The following MICU1 variants were observed in gnomAD, a reference collection of about 807,000 sequenced individuals.
MICU1 encodes mitochondrial calcium uptake 1.
A neutral mutation model predicts 56.8 loss-of-function variants in MICU1; 45 were observed. The observed-to-expected ratio is 0.79, with a 90% CI of 0.62 to 1.02. MICU1 has a LOEUF of 1.02. Ranked by LOEUF, MICU1 falls within the 50% of genes least tolerant of loss-of-function variation. MICU1 has a pLI of 0.00. For synonymous variants in MICU1, 186 were observed against 195.1 expected, an observed-to-expected ratio of 0.95 and a Z score of 0.39; for missense variants, 504 against 587.1, an observed-to-expected ratio of 0.86 and a Z score of 1.46.
At chr10:72,546,429 C>A (rs1224054480) in intron 4 of MICU1, among the ~76,000 whole-genome samples, 1 of 152,154 alleles carries the variant, frequency 6.6e-6, no homozygotes, top group Non-Finnish European at 1.5e-5. Flanking sequence ...AGGGACACTC[C>A]AAGCTGTAAC....
intron 4 of MICU1, among the ~76,000 whole-genome samples, chr10:72,543,310 C>T (rs111857293): frequency 0.058 from 8,896 of 152,154 alleles, 864 homozygotes; most frequent in African/African-American, 0.2. Flanking sequence ...AAAATACATT[C>T]CATGTATATA....
Position 72,566,703 on chromosome 10 carries a change from G to C in MICU1, c.91C>G (p.Arg31Gly). The C allele has an allele frequency of 6.2e-7, 1 of 1,612,534 alleles. No individual in the cohort carries two copies. The highest frequency in any genetic ancestry group is 8.5e-7 in the Non-Finnish European group (1 of 1,179,312). Residue 31 changes from arginine (R) to glycine (G), a missense_variant, in exon 2 of 12, where the codon CGA becomes GGA. Transcript: ENST00000361114. The stretch of plus-strand genomic sequence containing the variant: ...AGGAAAGCCACCATCATTAGTCTTC[G>C]CCGGATCTGGATGGGCTGTGATCCT... ...HGGSQPIQIR[R>G]RLMMVAFLGA...
intron 1 of MICU1, among the ~76,000 whole-genome samples, chr10:72,609,984 G>C (rs577104004): frequency 4.6e-5 from 7 of 151,596 alleles, no homozygotes; most frequent in Non-Finnish European, 8.8e-5. Flanking sequence ...GCAGTGAGCC[G>C]AGATGGCACC....
At chr10:72,556,844 C>T (rs1840170597) in intron 3 of MICU1, among the ~76,000 whole-genome samples, 1 of 151,842 alleles carries the variant, frequency 6.6e-6, no homozygotes, top group Non-Finnish European at 1.5e-5. Context: ...GTAGGTGGAT[C>T]ACCTGAGGTC....
rs1038940923 is a variant in MICU1 at position 72,404,094 on chromosome 10, A to G, written c.1180+3835T>C. Among the ~76,000 whole-genome samples the G allele has an allele frequency of 5.9e-5, 9 of 151,920 alleles. 1 individual carries two copies. The South Asian group carries it at 1.9e-3, about 32-fold the overall frequency. On this transcript the variant is annotated intron_variant, in intron 10 of 11. Coordinates refer to ENST00000361114, the MANE Select transcript of MICU1 (RefSeq NM_001195518.2). ...AACCTCTGCCTCCTGGGTTCTAGCA[A>G]TTCTCCTGCCTCAGCCTCCCCAGTA... is the stretch of plus-strand genomic sequence containing the variant.
chr10:72,569,238 T>TATATATATATATA (rs1554890955), intron 1 of MICU1, among the ~76,000 whole-genome samples: 1 of 29,776 alleles, frequency 3.4e-5, no homozygotes, highest in African/African-American at 1.0e-4. Flanking sequence ...TATATATATA[T>TATATATATATATA]TTTTTTTTTT....
intron 5 of MICU1, chr10:72,508,733 T>C (rs1408748370): frequency 6.5e-6 from 1 of 152,734 alleles, no homozygotes; most frequent in Non-Finnish European, 1.5e-5. Flanking sequence ...CCTATACAAA[T>C]GCTCAGAAAA....
Position 72,434,236 on chromosome 10 carries a change from T to C in MICU1, c.934-10865A>G, listed in dbSNP as rs577340513. Reference sequence around the variant, plus strand: ...TCTAACATTTATAACGGCAAACATTTACATAGCACTTATTATGTACCAGAG... The same window carrying C: ...TCTAACATTTATAACGGCAAACATTCACATAGCACTTATTATGTACCAGAG... On this transcript the variant is annotated intron_variant, in intron 8 of 11. Transcript: ENST00000361114. 5.3e-5 allele frequency among the ~76,000 whole-genome samples: 8 copies of C among 152,252 alleles called. No homozygotes were observed. The South Asian group carries it at 1.7e-3, about 32-fold the overall frequency.
At chr10:72,596,617 T>C (rs1205628606) in intron 1 of MICU1, among the ~76,000 whole-genome samples, 2 of 151,816 alleles carry the variant, frequency 1.3e-5, no homozygotes, top group African/African-American at 2.4e-5. Context: ...ACACCTGTAA[T>C]CCCCAGCACT....
intron 10 of MICU1, among the ~76,000 whole-genome samples, chr10:72,406,554 C>A (rs1442395512): frequency 6.6e-6 from 1 of 151,750 alleles, no homozygotes; most frequent in Admixed American, 6.6e-5. Context: ...AAGTTGGCAG[C>A]ATTTACAATA....
chr10:72,371,165 C>T (rs1862321230), intron 11 of MICU1, among the ~76,000 whole-genome samples: 1 of 142,132 alleles, frequency 7.0e-6, no homozygotes, highest in South Asian at 2.3e-4. Flanking sequence ...ACGGGCGGAT[C>T]ATGAGGTCCG....
intron 10 of MICU1, among the ~76,000 whole-genome samples, chr10:72,401,703 CT>C (rs1285302766): frequency 6.6e-6 from 1 of 152,070 alleles, no homozygotes; most frequent in African/African-American, 2.4e-5. Flanking sequence ...ACATAGTTAC[CT>C]TTTTTATGTA....
intron 6 of MICU1, among the ~76,000 whole-genome samples, chr10:72,484,163 C>CA (rs1430507128): frequency 2.6e-5 from 4 of 152,082 alleles, no homozygotes; most frequent in Admixed American, 2.6e-4. Flanking sequence ...AGCATTCTGC[C>CA]ATTTAAAATA....
chr10:72,500,288 ATATATATATATATATTTTTTTTTTT>A, intron 6 of MICU1, among the ~76,000 whole-genome samples: 4 of 7,402 alleles, frequency 5.4e-4, no homozygotes, highest in African/African-American at 8.9e-4. Flanking sequence ...ATATATATAT[ATATATATATATATATTTTTTTTTTT>A]TTTTTTTTTT....
intron 1 of MICU1, among the ~76,000 whole-genome samples, chr10:72,576,586 A>C (rs932511353): frequency 2.0e-5 from 3 of 152,348 alleles, no homozygotes; most frequent in African/African-American, 7.2e-5. Flanking sequence ...AGGTATAAGG[A>C]AAGAAGTTGT....
Position 72,436,273 on chromosome 10 carries a change from G to A in MICU1, c.934-12902C>T, listed in dbSNP as rs1335936970. Among the ~76,000 whole-genome samples, 8 of 152,294 alleles carry A rather than the reference G, an allele frequency of 5.3e-5. 1 individual carries two copies. Among genetic ancestry groups the A allele is most frequent in the African/African-American group, 1.4e-4 (6 of 41,572 alleles). On this transcript the variant is annotated intron_variant, in intron 8 of 11. Transcript: ENST00000361114. The stretch of plus-strand genomic sequence containing the variant: ...CACTGGTGATACCCAGGCAAACAGG[G>A]TCTGGAGTGGACCTCCAGCCAACTC...
At chr10:72,448,117 ATATATG>A (rs1355969751) in intron 8 of MICU1, among the ~76,000 whole-genome samples, 3 of 48,624 alleles carry the variant, frequency 6.2e-5, no homozygotes, top group East Asian at 5.6e-4. Context: ...AAAAGTTTAT[ATATATG>A]TGTGTGTGTG....
chr10:72,438,026 C>A (rs1218625960), intron 8 of MICU1, among the ~76,000 whole-genome samples: 1 of 152,196 alleles, frequency 6.6e-6, no homozygotes, highest in Non-Finnish European at 1.5e-5. Flanking sequence ...AGGATTTGAA[C>A]TCAGCTCTGC....
intron 6 of MICU1, among the ~76,000 whole-genome samples, chr10:72,504,029 A>AGTTT (rs1867162986): frequency 6.6e-6 from 1 of 152,222 alleles, no homozygotes; most frequent in African/African-American, 2.4e-5. Flanking sequence ...GGGTTGGCAG[A>AGTTT]ATTAATATTG....
Sources: allele counts gnomAD v4.1 joint callset (sites outside exome capture counted in the v4.1 genomes callset), GRCh38; gene constraint gnomAD v4.1.1; transcripts MANE v1.5; gene names NCBI Gene and HGNC (gene_info 2026-07-23, HGNC 2026-07-21).